TMEM250: variants seen among roughly 807,000 people sequenced by gnomAD.
TMEM250 encodes herpes virus UL25-binding protein.
In TMEM250, 7 loss-of-function variants were observed where a neutral mutation model predicts 7.0. The ratio of observed to expected loss-of-function variants is 1.00; its 90% CI spans 0.57 to 1.87. The LOEUF is 1.87. Ranked by LOEUF, TMEM250 falls within the 40% of genes most tolerant of loss-of-function variation. The pLI is 0.00. For missense variants in TMEM250, 196 were observed against 202.5 expected, an observed-to-expected ratio of 0.97 and a Z score of 0.19; for synonymous variants, 135 against 96.7, an observed-to-expected ratio of 1.40 and a Z score of -2.32.
In TMEM250 at chr9:136,116,171, G is replaced by C. The variant is rs556053652; in HGVS notation, c.*310C>G. ...AGTCCCTGGCAGCTGTGGTCCTGGA[G>C]AGAGGCCCACAGAGAGGCGGAACGG... On this transcript the variant is annotated 3_prime_UTR_variant, in exon 2 of 2. Transcript: ENST00000418388. The C allele has an allele frequency of 1.9e-6, 1 of 515,566 alleles. No homozygotes were observed. Among genetic ancestry groups the C allele is most frequent in the South Asian group, 3.4e-5 (1 of 29,786 alleles). 31.9% of individuals were successfully genotyped at this position (515,566 alleles called of 1,614,324 possible).
rs2131212968 is a variant in TMEM250, at chr9:136,115,185, G to C, written c.*1296C>G. The C allele has an allele frequency of 6.6e-6, 1 of 152,412 alleles. No individual in the cohort carries two copies. Among genetic ancestry groups the C allele is most frequent in the South Asian group, 2.1e-4 (1 of 4,818 alleles). The allele number at this position is 152,412 out of a possible 1,614,324, so 9.4% of individuals were successfully genotyped here. A position where few individuals can be genotyped will look rare whatever the true frequency, so the allele number is the denominator to read the frequency against. ...GTACCACACCCTGTGTCCTGCTCTA[G>C]GGTAGCCTCTGCCTGTTGTCCTTGC... On this transcript the variant is annotated 3_prime_UTR_variant, in exon 2 of 2. Coordinates refer to ENST00000418388, the MANE Select transcript of TMEM250 (RefSeq NM_152833.3).
In TMEM250 at chr9:136,116,552, A is replaced by G. The variant is rs1830704398; in HGVS notation, c.349T>C (p.Tyr117His). ...AGCAGCATGGTGACGTGGATGCCAT[A>G]GACGAGCAGCTCGTTCACCAGGCGG... ...DFRLVNELLV[Y>H]GIHVTMLLVG... The change falls in exon 2 of 2, where the codon TAT (tyrosine) becomes CAT (histidine). Residue 117 changes from tyrosine (Y) to histidine (H), a missense_variant. Tyr to His is a moderately conservative substitution (Grantham distance 83). Transcript: ENST00000418388. 1.3e-6 allele frequency: 2 copies of G among 1,596,630 alleles called. No individual in the cohort carries two copies. Among genetic ancestry groups the G allele is most frequent in the Non-Finnish European group, 1.7e-6 (2 of 1,178,796 alleles).
Position 136,116,570 on chromosome 9 carries a change from C to T in TMEM250, c.331G>A (p.Val111Met), listed in dbSNP as rs1002978921. ...LGRRRVDFRL[V>M]NELLVYGIHV... ...ATGCCATAGACGAGCAGCTCGTTCA[C>T]CAGGCGGAAGTCCACGCGCCGGCGG... The change falls in exon 2 of 2, where the codon GTG becomes ATG. Residue 111 changes from valine to methionine, a missense_variant. Transcript: ENST00000418388. 6 of 1,599,536 alleles carry T rather than the reference C, an allele frequency of 3.8e-6. No homozygotes were observed. The African/African-American group carries it at 6.7e-5, about 18-fold the overall frequency.
At position 136,116,765 on chromosome 9, in the gene TMEM250, T is replaced by G. The variant is rs1475879599; in HGVS notation, c.136A>C (p.Lys46Gln). 6.2e-7 allele frequency: 1 copy of G among 1,612,442 alleles called. No homozygotes were observed. The highest frequency in any genetic ancestry group is 2.2e-5 in the East Asian group (1 of 44,858). Residue 46 changes from lysine (K) to glutamine (Q), a missense_variant, in exon 2 of 2, where the codon AAG (lysine) becomes CAG (glutamine). By Grantham distance (53) the Lys-to-Gln change is moderately conservative (BLOSUM62 1). Coordinates refer to ENST00000418388, the MANE Select transcript of TMEM250 (RefSeq NM_152833.3). ...ATGAAGCCGTACAGCCAGCGCGTCT[T>G]GATGTACACGTCGAAGTTGTTGTAC... ...TKYNNFDVYI[K>Q]TRWLYGFIRF...
At position 136,116,426 on chromosome 9, in the gene TMEM250, T is replaced by C. The variant is rs1339304782; in HGVS notation, c.*55A>G. The C allele has an allele frequency of 2.0e-6, 3 of 1,463,994 alleles. No homozygotes were observed. Among genetic ancestry groups the C allele is most frequent in the Admixed American group, 4.6e-5 (2 of 43,234 alleles). 90.7% of individuals were successfully genotyped at this position (1,463,994 alleles called of 1,614,324 possible). A position where few individuals can be genotyped will look rare whatever the true frequency, so the allele number is the denominator to read the frequency against. ...GGAAGGCGCTGGCCGACCCCACCCA[T>C]GGAGAGAACACAGCCACAGGCCGGG... is the stretch of plus-strand genomic sequence containing the variant. On this transcript the variant is annotated 3_prime_UTR_variant, in exon 2 of 2. Coordinates refer to ENST00000418388, the MANE Select transcript of TMEM250 (RefSeq NM_152833.3).
rs1830710915 is a variant in TMEM250 at position 136,116,737 on chromosome 9, C to T, written c.164G>A (p.Arg55His). 2.5e-6 allele frequency: 4 copies of T among 1,612,478 alleles called. No individual in the cohort carries two copies. The highest frequency in any genetic ancestry group is 3.4e-6 in the Non-Finnish European group (4 of 1,179,732). Residue 55 changes from arginine to histidine, a missense_variant, in exon 2 of 2, where the codon CGC (arginine) becomes CAC (histidine). Coordinates refer to ENST00000418388, the MANE Select transcript of TMEM250 (RefSeq NM_152833.3). ...IKTRWLYGFI[R>H]FLLYFSCSLF... ...GCTGCAGCTAAAGTAGAGTAGGAAG[C>T]GGATGAAGCCGTACAGCCAGCGCGT...
chr9:136,116,576 G>A lies in TMEM250; in HGVS notation c.325C>T (p.Arg109Cys), dbSNP rs1351083957. 6 of 1,600,512 alleles carry A rather than the reference G, an allele frequency of 3.7e-6. No homozygotes were observed. Among genetic ancestry groups the A allele is most frequent in the South Asian group, 3.3e-5 (3 of 91,038 alleles). The change falls in exon 2 of 2, where the codon CGC (arginine) becomes TGC (cysteine). Residue 109 changes from arginine to cysteine, a missense_variant. Transcript: ENST00000418388. The part of the protein sequence containing the change: ...LLLGRRRVDF[R>C]LVNELLVYGI... ...TAGACGAGCAGCTCGTTCACCAGGC[G>A]GAAGTCCACGCGCCGGCGGCCCAGC... is the stretch of plus-strand genomic sequence containing the variant.
At chr9:136,117,331 GC>G (rs1487029622) in intron 1 of TMEM250, among the ~76,000 whole-genome samples, 2 of 152,230 alleles carry the variant, frequency 1.3e-5, no homozygotes, top group East Asian at 3.8e-4. Context: ...ATGGGAAGGG[GC>G]AAGAGTGGCT....
In TMEM250 at chr9:136,116,793, G is replaced by A; in HGVS notation, c.108C>T (p.Thr36=). 6.2e-7 allele frequency: 1 copy of A among 1,612,236 alleles called. No individual in the cohort carries two copies. Among genetic ancestry groups the A allele is most frequent in the South Asian group, 1.1e-5 (1 of 91,084 alleles). The change falls in exon 2 of 2, where the codon ACC becomes ACT. Residue 36 remains threonine, a synonymous_variant. Transcript: ENST00000418388. ...TGTACACGTCGAAGTTGTTGTACTT[G>A]GTGCGGGCCAGGTGGGAGGCGCGCA... The part of the protein sequence containing the change: ...GPVRASHLAR[T]KYNNFDVYIK...
In TMEM250 at chr9:136,118,672, G is replaced by A. The variant is rs987939121; in HGVS notation, c.-312C>T. On this transcript the variant is annotated 5_prime_UTR_variant, in exon 1 of 2. Transcript: ENST00000418388. ...GCGTGGTTCACGCGTCGCCGGCTGG[G>A]GTCGCCCTGCAGGTGAAGGGGCTCT... The A allele has an allele frequency of 6.6e-6, 1 of 152,436 alleles. No individual in the cohort carries two copies. Among genetic ancestry groups the A allele is most frequent in the Non-Finnish European group, 1.5e-5 (1 of 68,314 alleles). The allele number at this position is 152,436 out of a possible 1,614,324, so 9.4% of individuals were successfully genotyped here.
Position 136,116,838 on chromosome 9 carries a change from C to T in TMEM250, c.63G>A (p.Leu21=). 6.2e-7 allele frequency: 1 copy of T among 1,607,396 alleles called. No individual in the cohort carries two copies. Among genetic ancestry groups the T allele is most frequent in the Non-Finnish European group, 8.5e-7 (1 of 1,177,978 alleles). ...RSFHGPHTTC[L]HAACGPVRAS... ...CGCGCACGGGCCCGCAGGCCGCATG[C>T]AGGCAGGTGGTGTGCGGGCCGTGGA... Residue 21 remains leucine, a synonymous_variant, in exon 2 of 2, where the codon CTG becomes CTA. Coordinates refer to ENST00000418388, the MANE Select transcript of TMEM250 (RefSeq NM_152833.3).
chr9:136,117,702 G>A (rs191457944), intron 1 of TMEM250, among the ~76,000 whole-genome samples: 9 of 152,334 alleles, frequency 5.9e-5, no homozygotes, highest in Admixed American at 6.5e-5. Context: ...CAATGGGGGT[G>A]CCAATAGCAC....
rs949999725 is a variant in TMEM250 at position 136,115,774 on chromosome 9, C to G, written c.*707G>C. 2 of 207,216 alleles carry G rather than the reference C, an allele frequency of 9.7e-6. No homozygotes were observed. The highest frequency in any genetic ancestry group is 6.0e-5 in the Admixed American group (1 of 16,658). 12.8% of individuals were successfully genotyped at this position (207,216 alleles called of 1,614,324 possible). A position where few individuals can be genotyped will look rare whatever the true frequency, so the allele number is the denominator to read the frequency against. ...AGCCCCTGGCTCCCAGGGTTCCCCC[C>G]AGGCCAGCCCCTGAGCTGGGAGCCT... On this transcript the variant is annotated 3_prime_UTR_variant, in exon 2 of 2. Coordinates refer to ENST00000418388, the MANE Select transcript of TMEM250 (RefSeq NM_152833.3).
At chr9:136,117,287 G>A (rs931362205) in intron 1 of TMEM250, among the ~76,000 whole-genome samples, 1 of 152,216 alleles carries the variant, frequency 6.6e-6, no homozygotes. Flanking sequence ...CAGTGGCCAG[G>A]GGAGGCCCCC....
chr9:136,116,925 G>A lies in TMEM250; in HGVS notation c.-25C>T. ...TTGGGCCCCGGCGGCGGCGGCGCTAGGTCGCAGTGGCGGCGGCGGTGTCCA... is the reference window on the plus strand; with the variant it reads ...TTGGGCCCCGGCGGCGGCGGCGCTAAGTCGCAGTGGCGGCGGCGGTGTCCA... On this transcript the variant is annotated 5_prime_UTR_variant, in exon 2 of 2. Transcript: ENST00000418388. 6.9e-7 allele frequency: 1 copy of A among 1,447,944 alleles called. No individual in the cohort carries two copies. The highest frequency in any genetic ancestry group is 9.0e-7 in the Non-Finnish European group (1 of 1,108,788). The allele number at this position is 1,447,944 out of a possible 1,614,324, so 89.7% of individuals were successfully genotyped here.
rs918062753 is a variant in TMEM250, at chr9:136,115,169, CCT to C, written c.*1310_*1311del. On this transcript the variant is annotated 3_prime_UTR_variant, in exon 2 of 2. Transcript: ENST00000418388. ...GACACTAGGGTTGTCAGTACCACACCCTGTGTCCTGCTCTAGGGTAGCCTCTG... is the reference window on the plus strand; with the variant it reads ...GACACTAGGGTTGTCAGTACCACACCGTGTCCTGCTCTAGGGTAGCCTCTG... 6.6e-5 allele frequency: 10 copies of C among 152,246 alleles called. No individual in the cohort carries two copies. The South Asian group carries it at 8.3e-4, about 13-fold the overall frequency. 9.4% of individuals were successfully genotyped at this position (152,246 alleles called of 1,614,324 possible).
chr9:136,116,221 G>A lies in TMEM250; in HGVS notation c.*260C>T, dbSNP rs1246274898. On this transcript the variant is annotated 3_prime_UTR_variant, in exon 2 of 2. Transcript: ENST00000418388. ...GAGGGCCCACCCCGCAGTACGACCC[G>A]AAGACATGTGAGCAGGAGCCACCGG... is the stretch of plus-strand genomic sequence containing the variant. 1.9e-5 allele frequency: 12 copies of A among 618,564 alleles called. No individual in the cohort carries two copies. The highest frequency in any genetic ancestry group is 2.9e-5 in the Non-Finnish European group (11 of 376,656). 38.3% of individuals were successfully genotyped at this position (618,564 alleles called of 1,614,324 possible).
rs1830696190 is a variant in TMEM250, at chr9:136,116,158, C to G, written c.*323G>C. The G allele has an allele frequency of 6.3e-6, 3 of 476,162 alleles. No individual in the cohort carries two copies. The highest frequency in any genetic ancestry group is 1.1e-5 in the Non-Finnish European group (3 of 272,452). 29.5% of individuals were successfully genotyped at this position (476,162 alleles called of 1,614,324 possible). A position where few individuals can be genotyped will look rare whatever the true frequency, so the allele number is the denominator to read the frequency against. ...GGGTGATGTCTAAAGTCCCTGGCAGCTGTGGTCCTGGAGAGAGGCCCACAG... is the reference window on the plus strand; with the variant it reads ...GGGTGATGTCTAAAGTCCCTGGCAGGTGTGGTCCTGGAGAGAGGCCCACAG... On this transcript the variant is annotated 3_prime_UTR_variant, in exon 2 of 2. Coordinates refer to ENST00000418388, the MANE Select transcript of TMEM250 (RefSeq NM_152833.3).
chr9:136,117,052 C>T, intron 1 of TMEM250, 28 bp from the exon 2 acceptor site: 1 of 1,278,690 alleles, frequency 7.8e-7, no homozygotes, highest in Non-Finnish European at 1.0e-6. Context: ...AAACCCACGT[C>T]AGTATGAGGA....
Sources: allele counts gnomAD v4.1 joint callset (sites outside exome capture counted in the v4.1 genomes callset), GRCh38; gene constraint gnomAD v4.1.1; transcripts MANE v1.5; gene names NCBI Gene and HGNC (gene_info 2026-07-23, HGNC 2026-07-21).